The following ASPH variants were observed in gnomAD, a reference collection of about 807,000 sequenced individuals.
ASPH encodes the protein aspartyl/asparaginyl beta-hydroxylase.
A neutral mutation model predicts 118.4 loss-of-function variants in ASPH; 100 were observed. The ratio of observed to expected loss-of-function variants is 0.84; its 90% CI spans 0.72 to 1.00. The LOEUF (loss-of-function observed/expected upper bound fraction) is 1.00. Among genes scored for constraint, ASPH ranks in the 50% least tolerant of loss-of-function variants. The pLI, the probability that ASPH is intolerant of heterozygous loss-of-function variation, is 0.00. For synonymous variants in ASPH, 315 were observed against 325.6 expected (o/e 0.97, Z 0.35); for missense variants, 920 against 919.5 (o/e 1.00, Z -0.01).
chr8:61,556,682 A>G (rs1827994879), intron 18 of ASPH, among the ~76,000 whole-genome samples: 1 of 152,352 alleles, frequency 6.6e-6, no homozygotes, highest in African/African-American at 2.4e-5. Flanking sequence ...GTGCCTCTAA[A>G]TTAAATATTA....
rs746538209 is a variant in ASPH, at chr8:61,553,054, T to G, written c.1603A>C (p.Met535Leu). 6.2e-7 allele frequency: 1 copy of G among 1,613,450 alleles called. No individual in the cohort carries two copies. Among genetic ancestry groups the G allele is most frequent in the African/African-American group, 1.3e-5 (1 of 74,906 alleles). Residue 535 changes from methionine to leucine, a missense_variant, in exon 20 of 25, where the codon ATG becomes CTG. Met to Leu is a conservative substitution (Grantham distance 15). Transcript: ENST00000379454. The part of the protein sequence containing the change: ...GRFYFHLGDA[M>L]QRVGNKEAYK... ...ACCTCTTTGTTCCCAACCCTCTGCA[T>G]GGCATCCCCCAGGTGGAAATAAAAT...
chr8:61,614,036 T>C (rs1358235701), intron 14 of ASPH, among the ~76,000 whole-genome samples: 2 of 152,162 alleles, frequency 1.3e-5, no homozygotes, highest in African/African-American at 4.8e-5. Context: ...TCTCCACCTT[T>C]CTTTAAGTTG....
rs762784230 is a variant in ASPH, at chr8:61,553,001, G to A, written c.1626+30C>T. The A allele has an allele frequency of 6.6e-6, 10 of 1,510,508 alleles. No individual in the cohort carries two copies. The South Asian group carries it at 1.1e-4, about 17-fold the overall frequency. The allele number at this position is 1,510,508 out of a possible 1,614,324, so 93.6% of individuals were successfully genotyped here. On this transcript the variant is annotated intron_variant, in intron 20 of 24. Transcript: ENST00000379454. The stretch of plus-strand genomic sequence containing the variant: ...ATTCTCCCAACTCCATCCTCTGTTA[G>A]AGAGAATCAGAAATTCATATACCCA...
rs1858708100 is a variant in ASPH at position 61,638,101 on chromosome 8, G to A, written c.833-98C>T. Reference sequence around the variant, plus strand: ...CATTCAGATTCCTAAATTAACTCGTGTCCACTCAGATTGCTAAATTTGACT... The same window carrying A: ...CATTCAGATTCCTAAATTAACTCGTATCCACTCAGATTGCTAAATTTGACT... On this transcript the variant is annotated intron_variant, in intron 11 of 24. Transcript: ENST00000379454. The A allele has an allele frequency of 3.9e-6, 5 of 1,297,306 alleles. No individual in the cohort carries two copies. In the Admixed American group the frequency reaches 7.6e-5, roughly 20 times the overall value. 80.4% of individuals were successfully genotyped at this position (1,297,306 alleles called of 1,614,324 possible).
At chr8:61,519,130 T>A (rs557359154) in intron 22 of ASPH, among the ~76,000 whole-genome samples, 1 of 152,328 alleles carries the variant, frequency 6.6e-6, no homozygotes, top group South Asian at 2.1e-4. Flanking sequence ...TAACACTGCA[T>A]CTTCATGTTT....
chr8:61,583,893 T>C, intron 15 of ASPH, 51 bp downstream of exon 15: 2 of 1,220,840 alleles, frequency 1.6e-6, no homozygotes, highest in Non-Finnish European at 2.3e-6. Context: ...TCAAGAGTAA[T>C]GCCTGAGTTT....
At chr8:61,678,678 T>C (rs1826481868) in intron 3 of ASPH, among the ~76,000 whole-genome samples, 1 of 152,100 alleles carries the variant, frequency 6.6e-6, no homozygotes, top group Non-Finnish European at 1.5e-5. Context: ...CAAAATCCTA[T>C]GAAAGTTTAA....
At position 61,684,176 on chromosome 8, in the gene ASPH, C is replaced by A; in HGVS notation, c.116G>T (p.Gly39Val). The A allele has an allele frequency of 6.2e-7, 1 of 1,611,966 alleles. No individual in the cohort carries two copies. The highest frequency in any genetic ancestry group is 2.2e-5 in the East Asian group (1 of 44,840). ...SPGARRETKH[G>V]GHKNGRKGGL... ...GCCTTTCCTCCCATTCTTGTGTCCT[C>A]CATGCTTTGTCTCTGTTTAGAAATA... Residue 39 changes from glycine (G) to valine (V), a missense_variant, in exon 2 of 25, where the codon GGA becomes GTA. By Grantham distance (109) the Gly-to-Val change is moderately radical. Coordinates refer to ENST00000379454, the MANE Select transcript of ASPH (RefSeq NM_004318.4).
At chr8:61,699,426 T>C (rs1371909417) in intron 1 of ASPH, among the ~76,000 whole-genome samples, 1 of 152,138 alleles carries the variant, frequency 6.6e-6, no homozygotes, top group African/African-American at 2.4e-5. Flanking sequence ...GAGAGAGGGG[T>C]ACTGCAGGTA....
chr8:61,628,250 C>G, intron 13 of ASPH: 1 of 302,316 alleles, frequency 3.3e-6, no homozygotes, highest in South Asian at 2.7e-5. Flanking sequence ...GCTTTGACCT[C>G]CTGGACTCAA....
At chr8:61,562,084 C>T (rs1830136921) in intron 18 of ASPH, among the ~76,000 whole-genome samples, 2 of 152,070 alleles carry the variant, frequency 1.3e-5, no homozygotes, top group East Asian at 1.9e-4. Flanking sequence ...TTTACAGAGG[C>T]GCTAACTTTC....
At chr8:61,643,918 A>G (rs759715539) in intron 8 of ASPH, 27 bp downstream of exon 8, 10 of 1,588,724 alleles carry the variant, frequency 6.3e-6, no homozygotes, top group Admixed American at 3.3e-5. Context: ...CAGAAAACAC[A>G]TATCAATAAT....
At chr8:61,650,050 G>A (rs1810141621) in intron 5 of ASPH, among the ~76,000 whole-genome samples, 2 of 152,056 alleles carry the variant, frequency 1.3e-5, no homozygotes. Flanking sequence ...CCCCTTCTGA[G>A]TAAGACCTGA....
At chr8:61,702,963 A>C (rs1327377566) in intron 1 of ASPH, among the ~76,000 whole-genome samples, 1 of 152,194 alleles carries the variant, frequency 6.6e-6, no homozygotes, top group Non-Finnish European at 1.5e-5. Flanking sequence ...GGAGAGGAGG[A>C]GAGGAAAAAA....
At chr8:61,635,858 T>C (rs1183210995) in intron 12 of ASPH, among the ~76,000 whole-genome samples, 1 of 152,102 alleles carries the variant, frequency 6.6e-6, no homozygotes, top group Non-Finnish European at 1.5e-5. Context: ...CCTAACAGGG[T>C]GTTTCGCTCT....
chr8:61,526,594 G>C (rs1227706499), intron 21 of ASPH, among the ~76,000 whole-genome samples: 2 of 152,192 alleles, frequency 1.3e-5, no homozygotes, highest in Non-Finnish European at 2.9e-5. Flanking sequence ...TATCAGAAGA[G>C]TATCCACTGG....
chr8:61,623,536 TG>T (rs1851689695), intron 13 of ASPH, among the ~76,000 whole-genome samples: 1 of 152,204 alleles, frequency 6.6e-6, no homozygotes, highest in Non-Finnish European at 1.5e-5. Context: ...ACAGAAGCTT[TG>T]TAACTTAATG....
intron 14 of ASPH, among the ~76,000 whole-genome samples, chr8:61,593,637 G>A (rs894278402): frequency 2.0e-4 from 30 of 152,286 alleles, no homozygotes; most frequent in Middle Eastern, 3.4e-3. Flanking sequence ...ATTACATGTA[G>A]TTGGCTGCCT....
intron 16 of ASPH, among the ~76,000 whole-genome samples, chr8:61,573,508 A>G (rs1224754795): frequency 6.6e-6 from 1 of 152,194 alleles, no homozygotes; most frequent in East Asian, 1.9e-4. Context: ...ACTGGTACCA[A>G]AACAGATATA....
Sources: gnomAD v4.1 joint callset for allele counts (sites outside exome capture counted in the v4.1 genomes callset) on GRCh38, gnomAD v4.1.1 for gene constraint, MANE v1.5 for transcripts, NCBI Gene and HGNC (gene_info 2026-07-23, HGNC 2026-07-21) for gene names.